Variants in RSRC1 observed in about 807,000 individuals in gnomAD.
The protein encoded by RSRC1 is arginine and serine rich coiled-coil 1.
Under a neutral mutation model 49.1 loss-of-function variants are expected in RSRC1, and 39 were observed. The observed-to-expected ratio is 0.79, with a 90% CI of 0.61 to 1.04. RSRC1 has a LOEUF of 1.04. Among genes scored for constraint, RSRC1 ranks in the 50% least tolerant of loss-of-function variants. The pLI is 0.00. For synonymous variants in RSRC1, 143 were observed against 130.8 expected (o/e 1.09, Z -0.63); for missense variants, 388 against 402.4 (o/e 0.96, Z 0.31).
At chr3:158,224,494 G>C (rs753023903) in intron 4 of RSRC1, among the ~76,000 whole-genome samples, 10 of 151,754 alleles carry the variant, frequency 6.6e-5, no homozygotes, top group Non-Finnish European at 1.2e-4. Context: ...GGTAGCACTT[G>C]AGTACTAAGG....
At chr3:158,160,174 A>T (rs1718135876) in intron 3 of RSRC1, among the ~76,000 whole-genome samples, 1 of 152,170 alleles carries the variant, frequency 6.6e-6, no homozygotes, top group African/African-American at 2.4e-5. Context: ...CATCCCCTGA[A>T]GTCTTTTAAG....
chr3:158,470,021 C>T (rs890415419), intron 7 of RSRC1, among the ~76,000 whole-genome samples: 63 of 151,910 alleles, frequency 4.1e-4, no homozygotes, highest in African/African-American at 1.4e-3. Flanking sequence ...ATTATCATAC[C>T]TCATAATCTC....
chr3:158,242,914 T>A (rs1021726150), intron 4 of RSRC1, among the ~76,000 whole-genome samples: 5 of 152,096 alleles, frequency 3.3e-5, no homozygotes, highest in Admixed American at 2.0e-4. Flanking sequence ...GTTTTTGTGT[T>A]GTAAATTTAA....
intron 6 of RSRC1, among the ~76,000 whole-genome samples, chr3:158,382,929 A>G (rs1362875387): frequency 6.6e-6 from 1 of 152,160 alleles, no homozygotes; most frequent in Non-Finnish European, 1.5e-5. Context: ...TTCTGATACC[A>G]TTTGTTAAAT....
At chr3:158,205,139 G>A (rs1466891849) in intron 4 of RSRC1, among the ~76,000 whole-genome samples, 1 of 152,110 alleles carries the variant, frequency 6.6e-6, no homozygotes. Context: ...GTCAAAATAA[G>A]AGGTGCAAAA....
chr3:158,531,160 A>C (rs1712378537), intron 7 of RSRC1, among the ~76,000 whole-genome samples: 1 of 151,138 alleles, frequency 6.6e-6, no homozygotes, highest in South Asian at 2.1e-4. Context: ...CTAGCTGGGG[A>C]GAAGAAGCTT....
At chr3:158,114,536 G>T (rs1714658312) in intron 1 of RSRC1, among the ~76,000 whole-genome samples, 1 of 152,136 alleles carries the variant, frequency 6.6e-6, no homozygotes, top group Non-Finnish European at 1.5e-5. Context: ...ATTCTGTGAA[G>T]AATGTTAATG....
rs1269026626 is a variant in RSRC1 at position 158,286,456 on chromosome 3, G to C, written c.495-11583G>C. 8.5e-5 allele frequency among the ~76,000 whole-genome samples: 13 copies of C among 152,274 alleles called. No homozygotes were observed. In the East Asian group the frequency reaches 2.5e-3, roughly 29 times the overall value. On this transcript the variant is annotated intron_variant, in intron 4 of 9. Transcript: ENST00000611884. ...CTTGTTACCGTGCCTGGCAAACTCT[G>C]TTCAGTATTTCCTCACAGGTGGAAT...
At chr3:158,156,951 C>CTT (rs1559922545) in intron 3 of RSRC1, among the ~76,000 whole-genome samples, 3 of 152,306 alleles carry the variant, frequency 2.0e-5, no homozygotes, top group Admixed American at 2.0e-4. Flanking sequence ...GGCACTAATA[C>CTT]ACTTGTTTGA....
chr3:158,411,591 C>T (rs1734469205), intron 6 of RSRC1, among the ~76,000 whole-genome samples: 1 of 151,662 alleles, frequency 6.6e-6, no homozygotes, highest in African/African-American at 2.4e-5. Context: ...CATCATAGTT[C>T]ATTGCAGCCT....
At chr3:158,111,750 A>G (rs1714424783) in intron 1 of RSRC1, among the ~76,000 whole-genome samples, 1 of 152,208 alleles carries the variant, frequency 6.6e-6, no homozygotes, top group Non-Finnish European at 1.5e-5. Flanking sequence ...ATAGTTTGAT[A>G]TACTGAGTGA....
intron 6 of RSRC1, among the ~76,000 whole-genome samples, chr3:158,454,567 T>G (rs1737214146): frequency 6.6e-6 from 1 of 152,124 alleles, no homozygotes; most frequent in Non-Finnish European, 1.5e-5. Context: ...TGGTCAAAAT[T>G]TAGTTACCAA....
At chr3:158,213,363 A>G (rs1434373510) in intron 4 of RSRC1, among the ~76,000 whole-genome samples, 1 of 151,924 alleles carries the variant, frequency 6.6e-6, no homozygotes, top group Non-Finnish European at 1.5e-5. Flanking sequence ...ATGAAAGTAT[A>G]TAATAAAAGA....
intron 4 of RSRC1, among the ~76,000 whole-genome samples, chr3:158,256,231 G>T (rs544461216): frequency 2.0e-5 from 3 of 152,048 alleles, no homozygotes; most frequent in Non-Finnish European, 4.4e-5. Flanking sequence ...TTTGAGATAC[G>T]TTCCTCAATA....
intron 3 of RSRC1, among the ~76,000 whole-genome samples, chr3:158,161,117 T>C (rs1718190534): frequency 6.6e-6 from 1 of 152,198 alleles, no homozygotes. Context: ...ATTAGTCAGC[T>C]ATTGACACAA....
chr3:158,462,998 T>C (rs952748967), intron 7 of RSRC1, among the ~76,000 whole-genome samples: 2 of 151,970 alleles, frequency 1.3e-5, no homozygotes, highest in African/African-American at 4.8e-5. Context: ...GCCTAACACA[T>C]AGTAGAAACT....
intron 3 of RSRC1, among the ~76,000 whole-genome samples, chr3:158,180,404 T>G: frequency 2.2e-5 from 2 of 91,616 alleles, no homozygotes; most frequent in African/African-American, 8.3e-5. Flanking sequence ...TTTTTTTTTT[T>G]TTTTTTTTTT....
intron 3 of RSRC1, among the ~76,000 whole-genome samples, chr3:158,133,893 G>C (rs961636693): frequency 6.6e-6 from 1 of 152,154 alleles, no homozygotes; most frequent in Non-Finnish European, 1.5e-5. Flanking sequence ...GGTGCTATTT[G>C]TCAATGTCTT....
chr3:158,532,518 TGAA>T (rs147559951), intron 7 of RSRC1, among the ~76,000 whole-genome samples: 2,854 of 151,968 alleles, frequency 0.019, 44 homozygotes, highest in Non-Finnish European at 0.022. Context: ...AAATATAACT[TGAA>T]GAAGCAGGAG....
Sources: gnomAD v4.1 joint callset for allele counts (sites outside exome capture counted in the v4.1 genomes callset) on GRCh38, gnomAD v4.1.1 for gene constraint, MANE v1.5 for transcripts, NCBI Gene and HGNC (gene_info 2026-07-23, HGNC 2026-07-21) for gene names.